The following ASPSCR1 variants were observed in gnomAD, a reference collection of about 807,000 sequenced individuals.
The protein encoded by ASPSCR1 is ASPSCR1 tether for SLC2A4, UBX domain containing.
In ASPSCR1, 55 loss-of-function variants were observed where a neutral mutation model predicts 68.9. The ratio of observed to expected loss-of-function variants is 0.80; its 90% confidence interval spans 0.64 to 1.00. The LOEUF (loss-of-function observed/expected upper bound fraction) is 1.00, where lower values mean the gene tolerates loss of function less well. ASPSCR1 is among the 50% of genes least tolerant of loss of function. ASPSCR1 has a pLI of 0.00. For synonymous variants in ASPSCR1, 352 were observed against 332.6 expected (o/e 1.06, Z -0.63); for missense variants, 765 against 762.2 (o/e 1.00, Z -0.04).
At chr17:81,992,260 G>C (rs1717919382) in intron 4 of ASPSCR1, among the ~76,000 whole-genome samples, 2 of 152,220 alleles carry the variant, frequency 1.3e-5, no homozygotes, top group South Asian at 4.1e-4. Flanking sequence ...AGTAGGGGCT[G>C]TGTCTCCTCG....
In ASPSCR1 at chr17:82,011,530, T is replaced by C. The variant is rs763059544; in HGVS notation, c.1238-13T>C. On this transcript the variant is annotated splice_polypyrimidine_tract_variant and intron_variant, in intron 10 of 15. Transcript: ENST00000306739. The stretch of plus-strand genomic sequence containing the variant: ...TGGAAGAGCTGTCTGTATGTTCTTT[T>C]TCTCCTCTGCAGTGGGGGACTTGCG... The C allele has an allele frequency of 6.3e-7, 1 of 1,576,494 alleles. No individual in the cohort carries two copies. The highest frequency in any genetic ancestry group is 1.2e-5 in the South Asian group (1 of 85,942).
rs976837741 is a variant in ASPSCR1, at chr17:81,997,590, T to C, written c.933+744T>C. ...GCAGCCTCTGCCACCCAAGTTCAAG[T>C]GATTACTCCTGCCTCAGCCTCCCGA... On this transcript the variant is annotated intron_variant, in intron 7 of 15. Transcript: ENST00000306739. Among the ~76,000 whole-genome samples, 10 of 148,790 alleles carry C rather than the reference T, an allele frequency of 6.7e-5. No individual in the cohort carries two copies. In the East Asian group the frequency reaches 2.0e-3, roughly 29 times the overall value.
At position 81,987,184 on chromosome 17, in the gene ASPSCR1, C is replaced by T. The variant is rs960980830; in HGVS notation, c.374+1577C>T. On this transcript the variant is annotated intron_variant, in intron 4 of 15. Transcript: ENST00000306739. This position sits in a 1 kb window ranked among gnomAD's most constrained non-coding sequence, Gnocchi z 5.6. ...GCCACGGGCAGGGGTGAGCGGGACC[C>T]GAGGCAGGAGATGACGGAGCCTGAG... Among the ~76,000 whole-genome samples, 12 of 150,042 alleles carry T rather than the reference C, an allele frequency of 8.0e-5. No homozygotes were observed. The highest frequency in any genetic ancestry group is 1.2e-4 in the Non-Finnish European group (8 of 67,822).
intron 15 of ASPSCR1, 63 bp downstream of exon 15, chr17:82,017,176 G>A (rs1484682865): frequency 1.9e-5 from 30 of 1,571,032 alleles, no homozygotes; most frequent in Non-Finnish European, 2.5e-5. Context: ...TCCGGGTGCT[G>A]TGGCAGGGTC....
intron 7 of ASPSCR1, among the ~76,000 whole-genome samples, chr17:82,000,476 G>T (rs890472877): frequency 6.6e-6 from 1 of 152,220 alleles, no homozygotes; most frequent in African/African-American, 2.4e-5. Flanking sequence ...CACGCAGAGG[G>T]CCCGGGGCCA....
At position 81,996,787 on chromosome 17, in the gene ASPSCR1, C is replaced by T. The variant is rs749759526; in HGVS notation, c.874C>T (p.Gln292Ter). 1 of 1,611,098 alleles carries T rather than the reference C, an allele frequency of 6.2e-7. No homozygotes were observed. The highest frequency in any genetic ancestry group is 1.3e-5 in the African/African-American group (1 of 74,708). The change falls in exon 7 of 16, where the codon CAG (glutamine) becomes TAG (stop). Residue 292 changes from glutamine (Q) to a stop codon, truncating the protein, a stop_gained. Coordinates refer to ENST00000306739, the MANE Select transcript of ASPSCR1 (RefSeq NM_024083.4). LOFTEE classifies it high-confidence loss of function. The stretch of plus-strand genomic sequence containing the variant: ...GAAGTCCAAGTCGGGCCAGGATCCC[C>T]AGCAGGAGCAGGAGCAGGAGCGGGA... ...PKKSKSGQDPQQEQEQERERD... is the reference protein window; with the variant it reads ...PKKSKSGQDP
Position 81,996,558 on chromosome 17 carries a change from G to A in ASPSCR1, c.645G>A (p.Pro215=), listed in dbSNP as rs756426183. The A allele has an allele frequency of 1.5e-5, 24 of 1,612,938 alleles. No individual in the cohort carries two copies. The highest frequency in any genetic ancestry group is 1.4e-4 in the South Asian group (13 of 91,060). Residue 215 remains proline (P), a synonymous_variant, in exon 7 of 16, where the codon CCG becomes CCA. Transcript: ENST00000306739. ...TCAGCCGCGGCGACTTGAGCCGTCC[G>A]GAGGACGCGGACACCTCAGGGCCCT... ...GELSRGDLSR[P]EDADTSGPCC...
intron 2 of ASPSCR1, among the ~76,000 whole-genome samples, chr17:81,980,519 C>T (rs1455545608): frequency 6.6e-6 from 1 of 152,240 alleles, no homozygotes; most frequent in Non-Finnish European, 1.5e-5. Context: ...TCACACCATC[C>T]TTCTCCAGTC....
At chr17:81,995,311 C>A (rs2042300932) in intron 5 of ASPSCR1, 2 of 345,234 alleles carry the variant, frequency 5.8e-6, no homozygotes, top group African/African-American at 4.2e-5. Context: ...CCGGAGGGGC[C>A]CTGGGGGGCC....
rs533942552 is a variant in ASPSCR1, at chr17:82,014,704, C to T, written c.1354-1772C>T. ...TCTCGTTGGAGGGGGCGGCCAGGCG[C>T]TGGGCCACGTGTGCATGCAGCCCCT... On this transcript the variant is annotated intron_variant, in intron 12 of 15. Transcript: ENST00000306739. 8 of 276,548 alleles carry T rather than the reference C, an allele frequency of 2.9e-5. No homozygotes were observed. In the East Asian group the frequency reaches 4.9e-4, roughly 17 times the overall value. 17.1% of individuals were successfully genotyped at this position (276,548 alleles called of 1,614,324 possible).
chr17:81,981,813 C>T (rs1172722469), intron 2 of ASPSCR1, among the ~76,000 whole-genome samples: 3 of 151,838 alleles, frequency 2.0e-5, no homozygotes, highest in African/African-American at 7.3e-5. Context: ...GAATTACAGG[C>T]ACGTGCCACG....
chr17:82,009,389 C>A, intron 8 of ASPSCR1, 97 bp from the exon 9 acceptor site: 1 of 1,382,346 alleles, frequency 7.2e-7, no homozygotes, highest in Non-Finnish European at 9.7e-7. Flanking sequence ...GAGAGCAGCC[C>A]ACTCCCACCC....
In ASPSCR1 at chr17:81,986,749, C is replaced by A. The variant is rs1375302763; in HGVS notation, c.374+1142C>A. On this transcript the variant is annotated intron_variant, in intron 4 of 15. Transcript: ENST00000306739. The surrounding 1 kb of genome is among the most constrained non-coding windows in gnomAD (Gnocchi z 5.2). Reference sequence around the variant, plus strand: ...TGTGGGAAGGTGACCGCGCGTCGGGCGCTGGGAAGGTGACTGTGCGTTGGG... The same window carrying A: ...TGTGGGAAGGTGACCGCGCGTCGGGAGCTGGGAAGGTGACTGTGCGTTGGG... Among the ~76,000 whole-genome samples the A allele has an allele frequency of 6.6e-6, 1 of 152,226 alleles. No individual in the cohort carries two copies. The highest frequency in any genetic ancestry group is 6.5e-5 in the Admixed American group (1 of 15,284).
chr17:82,003,564 G>T lies in ASPSCR1; in HGVS notation c.934-5473G>T, dbSNP rs572975788. Among the ~76,000 whole-genome samples the T allele has an allele frequency of 4.6e-5, 7 of 152,370 alleles. No homozygotes were observed. In the East Asian group the frequency reaches 1.4e-3, roughly 29 times the overall value. On this transcript the variant is annotated intron_variant, in intron 7 of 15. Coordinates refer to ENST00000306739, the MANE Select transcript of ASPSCR1 (RefSeq NM_024083.4). ...TGCGGATGCTGTGCTCAGCCTGGGGGCGGCGCCGTCTCCTCTGGGTGGGAT... is the reference window on the plus strand; with the variant it reads ...TGCGGATGCTGTGCTCAGCCTGGGGTCGGCGCCGTCTCCTCTGGGTGGGAT...
At chr17:82,009,348 G>A (rs2042832782) in intron 8 of ASPSCR1, 138 bp from the exon 9 acceptor site, 5 of 1,362,826 alleles carry the variant, frequency 3.7e-6, no homozygotes, top group Non-Finnish European at 2.0e-6. Context: ...GGCCCAGGGA[G>A]GGGCGTCCAG....
chr17:81,979,819 G>A (rs1567950615), intron 2 of ASPSCR1, among the ~76,000 whole-genome samples: 2 of 152,128 alleles, frequency 1.3e-5, no homozygotes, highest in African/African-American at 2.4e-5. Flanking sequence ...GGAATTACAC[G>A]TACGCTTCTG....
At chr17:81,992,316 G>T (rs760807090) in intron 4 of ASPSCR1, among the ~76,000 whole-genome samples, 2 of 152,180 alleles carry the variant, frequency 1.3e-5, no homozygotes, top group Admixed American at 6.5e-5. Context: ...ACACTGGGCC[G>T]GCGTAGAAGG....
intron 3 of ASPSCR1, among the ~76,000 whole-genome samples, chr17:81,985,124 A>G (rs1161637955): frequency 6.9e-6 from 1 of 145,424 alleles, no homozygotes; most frequent in Admixed American, 6.8e-5. Context: ...CTGCATGTAA[A>G]CATGCACACA....
At chr17:82,000,924 G>A (rs929494995) in intron 7 of ASPSCR1, among the ~76,000 whole-genome samples, 2 of 151,468 alleles carry the variant, frequency 1.3e-5, no homozygotes, top group Non-Finnish European at 3.0e-5. Context: ...TCGGCCTCCC[G>A]GCAGCTGGCA....
Sources: allele counts gnomAD v4.1 joint callset (sites outside exome capture counted in the v4.1 genomes callset), GRCh38; gene constraint gnomAD v4.1.1; non-coding constraint Gnocchi (gnomAD v3.1); transcripts MANE v1.5; gene names NCBI Gene and HGNC (gene_info 2026-07-23, HGNC 2026-07-21).